The following MAP4K4 variants were observed in gnomAD, a reference collection of about 807,000 sequenced individuals.
MAP4K4 encodes HPK/GCK-like kinase HGK.
In MAP4K4, 38 loss-of-function variants were observed where a neutral mutation model predicts 189.6. That is an observed-to-expected ratio of 0.20 (90% CI 0.15 to 0.26). The LOEUF (loss-of-function observed/expected upper bound fraction) is 0.26. Among genes scored for constraint, MAP4K4 ranks in the 10% least tolerant of loss-of-function variants. The pLI, the probability that MAP4K4 is intolerant of heterozygous loss-of-function variation, is 1.00. For synonymous variants in MAP4K4, 610 were observed against 624.3 expected (o/e 0.98, Z 0.34); for missense variants, 1,054 against 1,726.9 (o/e 0.61, Z 6.91).
chr2:101,771,274 G>A (rs187881763), intron 2 of MAP4K4, among the ~76,000 whole-genome samples: 18 of 152,282 alleles, frequency 1.2e-4, no homozygotes, highest in South Asian at 4.1e-4. Flanking sequence ...AATGGGAAAA[G>A]GAAGGAACAA....
chr2:101,790,131 T>G (rs982914810), intron 2 of MAP4K4, among the ~76,000 whole-genome samples: 2 of 152,152 alleles, frequency 1.3e-5, no homozygotes, highest in Non-Finnish European at 2.9e-5. Flanking sequence ...GTCCCTACAT[T>G]GGGACTGCAG....
intron 14 of MAP4K4, 91 bp downstream of exon 14, chr2:101,859,173 T>C: frequency 8.1e-7 from 1 of 1,229,662 alleles, no homozygotes; most frequent in Non-Finnish European, 1.2e-6. Flanking sequence ...CCAGACCATT[T>C]TGGTTTTGCT....
intron 3 of MAP4K4, among the ~76,000 whole-genome samples, chr2:101,807,452 A>C (rs989455975): frequency 6.6e-6 from 1 of 152,032 alleles, no homozygotes; most frequent in Non-Finnish European, 1.5e-5. Flanking sequence ...CTTTATAATG[A>C]CATCATAGTT....
chr2:101,787,803 G>GC (rs1491328198), intron 2 of MAP4K4, among the ~76,000 whole-genome samples: 1 of 114,100 alleles, frequency 8.8e-6, no homozygotes, highest in Non-Finnish European at 1.7e-5. Context: ...TTAGAAGTTT[G>GC]CTTTTTTTTT....
At chr2:101,725,559 A>G (rs1039628524) in intron 2 of MAP4K4, among the ~76,000 whole-genome samples, 1 of 152,178 alleles carries the variant, frequency 6.6e-6, no homozygotes, top group African/African-American at 2.4e-5. Context: ...TCCCTTGCAT[A>G]ATCAAGCCTT....
At chr2:101,758,151 T>G (rs931398276) in intron 2 of MAP4K4, among the ~76,000 whole-genome samples, 1 of 152,240 alleles carries the variant, frequency 6.6e-6, no homozygotes, top group African/African-American at 2.4e-5. Context: ...ACTGAAACCA[T>G]GGAAAATGAA....
chr2:101,891,513 G>A (rs1430074170), exon 33 of MAP4K4: 1 of 340,436 alleles, frequency 2.9e-6, no homozygotes, highest in Middle Eastern at 8.9e-4. Context: ...GGTGCTATAA[G>A]TGTTTGGGAT....
At chr2:101,729,804 G>A (rs1319503720) in intron 2 of MAP4K4, among the ~76,000 whole-genome samples, 1 of 152,200 alleles carries the variant, frequency 6.6e-6, no homozygotes, top group Non-Finnish European at 1.5e-5. Context: ...CTTCTCTGGT[G>A]AAATCTTGTT....
intron 2 of MAP4K4, among the ~76,000 whole-genome samples, chr2:101,729,440 G>T (rs917462464): frequency 2.0e-5 from 3 of 152,132 alleles, no homozygotes; most frequent in African/African-American, 7.2e-5. Context: ...AAAAATACAT[G>T]TTATAGGTGT....
intron 2 of MAP4K4, among the ~76,000 whole-genome samples, chr2:101,765,381 G>C (rs1485526777): frequency 2.6e-5 from 4 of 152,218 alleles, no homozygotes; most frequent in African/African-American, 9.6e-5. Flanking sequence ...TGAGCCTGGA[G>C]TGCAGGGGCG....
At chr2:101,818,140 A>G (rs910055220) in intron 3 of MAP4K4, among the ~76,000 whole-genome samples, 1 of 152,232 alleles carries the variant, frequency 6.6e-6, no homozygotes, top group Non-Finnish European at 1.5e-5. Flanking sequence ...GGGATTTACC[A>G]GGTAAAAAGT....
intron 3 of MAP4K4, among the ~76,000 whole-genome samples, chr2:101,802,739 T>C (rs1302957864): frequency 6.6e-6 from 1 of 152,140 alleles, no homozygotes; most frequent in African/African-American, 2.4e-5. Flanking sequence ...TGCCACTAAC[T>C]GCCTGTCTCC....
intron 8 of MAP4K4, among the ~76,000 whole-genome samples, chr2:101,834,670 G>GC (rs1225999071): frequency 6.6e-6 from 1 of 152,164 alleles, no homozygotes; most frequent in African/African-American, 2.4e-5. Context: ...TCTCTAGGAG[G>GC]CCTATAGGCT....
At chr2:101,819,312 A>C (rs2095899685) in intron 3 of MAP4K4, among the ~76,000 whole-genome samples, 1 of 152,202 alleles carries the variant, frequency 6.6e-6, no homozygotes, top group South Asian at 2.1e-4. Context: ...AAGTTGATTC[A>C]TTATTACCCT....
intron 10 of MAP4K4, among the ~76,000 whole-genome samples, chr2:101,842,360 C>T (rs532285869): frequency 6.6e-6 from 1 of 152,280 alleles, no homozygotes; most frequent in African/African-American, 2.4e-5. Context: ...AGCAGTACAT[C>T]CCCATACAAG....
At chr2:101,844,582 C>T (rs1255666502) in intron 12 of MAP4K4, among the ~76,000 whole-genome samples, 1 of 152,168 alleles carries the variant, frequency 6.6e-6, no homozygotes, top group Non-Finnish European at 1.5e-5. Context: ...AGATGCAGAG[C>T]AAGTGTCCCA....
In MAP4K4 at chr2:101,700,349, T is replaced by C. The variant is rs547023080; in HGVS notation, c.123+1811T>C. ...TCCCGAGCTTTTGAACTAGGTTTGC[T>C]GAGCGCTAGCTACGTTTGGTAGGTA... On this transcript the variant is annotated intron_variant, in intron 2 of 32. Transcript: ENST00000324219. 1.1e-4 allele frequency among the ~76,000 whole-genome samples: 17 copies of C among 152,356 alleles called. No individual in the cohort carries two copies. In the East Asian group the frequency reaches 3.1e-3, roughly 28 times the overall value.
chr2:101,723,329 C>T (rs2053339367), intron 2 of MAP4K4, among the ~76,000 whole-genome samples: 1 of 152,154 alleles, frequency 6.6e-6, no homozygotes. Context: ...AACTAATACG[C>T]TAGTAACATA....
intron 2 of MAP4K4, among the ~76,000 whole-genome samples, chr2:101,761,816 C>T (rs2076582263): frequency 6.6e-6 from 1 of 152,112 alleles, no homozygotes; most frequent in South Asian, 2.1e-4. Context: ...CTCGGTCTCC[C>T]AAAGTGTTGG....
Sources: gnomAD v4.1 joint callset for allele counts (sites outside exome capture counted in the v4.1 genomes callset) on GRCh38, gnomAD v4.1.1 for gene constraint, MANE v1.5 for transcripts, NCBI Gene and HGNC (gene_info 2026-07-23, HGNC 2026-07-21) for gene names.